The following GABRG1 variants were observed in gnomAD, a reference collection of about 807,000 sequenced individuals.
GABRG1 encodes gamma-aminobutyric acid type A receptor subunit gamma1, also known as gamma-aminobutyric acid receptor subunit gamma-1.
Under a neutral mutation model 49.8 loss-of-function variants are expected in GABRG1, and 49 were observed. The observed-to-expected ratio is 0.98, with a 90% CI of 0.78 to 1.25. The LOEUF is 1.25. Ranked by LOEUF, GABRG1 falls within the 50% of genes most tolerant of loss-of-function variation. GABRG1 has a pLI of 0.00. For synonymous variants in GABRG1, 232 were observed against 185.1 expected (o/e 1.25, Z -2.06); for missense variants, 552 against 552.3 (o/e 1.00, Z 0.01).
At chr4:46,042,641 G>C (rs1717828670) in intron 8 of GABRG1, among the ~76,000 whole-genome samples, 1 of 151,886 alleles carries the variant, frequency 6.6e-6, no homozygotes, top group Non-Finnish European at 1.5e-5. Context: ...GTATACAAAA[G>C]TTTAAAATTT....
At chr4:46,057,812 C>T (rs1319926864) in intron 7 of GABRG1, among the ~76,000 whole-genome samples, 1 of 152,034 alleles carries the variant, frequency 6.6e-6, no homozygotes, top group East Asian at 1.9e-4. Flanking sequence ...TATTTTAAAG[C>T]CATCTGCACA....
At chr4:46,068,492 T>C (rs929475329) in intron 3 of GABRG1, among the ~76,000 whole-genome samples, 3 of 152,236 alleles carry the variant, frequency 2.0e-5, no homozygotes, top group South Asian at 4.1e-4. Context: ...GTTGGAAGAC[T>C]TATGATTTCC....
In GABRG1 at chr4:46,040,846, G is replaced by A; in HGVS notation, c.*142C>T. The A allele has an allele frequency of 1.2e-6, 1 of 808,808 alleles. No homozygotes were observed. Among genetic ancestry groups the A allele is most frequent in the South Asian group, 2.0e-5 (1 of 50,126 alleles). The allele number at this position is 808,808 out of a possible 1,614,324, so 50.1% of individuals were successfully genotyped here. On this transcript the variant is annotated 3_prime_UTR_variant, in exon 9 of 9. Transcript: ENST00000295452. ...AGCTGCTACTTTATTTACTTCTGAA[G>A]GCCTTAAAATAGTTACAATACTATT...
chr4:46,093,382 C>A (rs1170836202), intron 2 of GABRG1, among the ~76,000 whole-genome samples: 3 of 151,930 alleles, frequency 2.0e-5, no homozygotes, highest in Non-Finnish European at 4.4e-5. Flanking sequence ...TGTTCTCACT[C>A]ATTTGTAGGG....
At chr4:46,061,220 C>G (rs1718659958) in intron 5 of GABRG1, among the ~76,000 whole-genome samples, 1 of 152,014 alleles carries the variant, frequency 6.6e-6, no homozygotes, top group Admixed American at 6.6e-5. Context: ...GTATTTGTTG[C>G]TATTTGGCTG....
chr4:46,090,628 C>A (rs1482208142), intron 2 of GABRG1, among the ~76,000 whole-genome samples: 1 of 151,950 alleles, frequency 6.6e-6, no homozygotes, highest in African/African-American at 2.4e-5. Context: ...TAATTGATAT[C>A]AAAATATCCA....
At chr4:46,065,771 G>A (rs534748604) in intron 3 of GABRG1, among the ~76,000 whole-genome samples, 187 bp from the exon 4 acceptor site, 1 of 151,918 alleles carries the variant, frequency 6.6e-6, no homozygotes, top group South Asian at 2.1e-4. Flanking sequence ...CTCCCAGGCC[G>A]GAGTGCAGTG....
chr4:46,098,541 C>T (rs765831146), intron 1 of GABRG1, among the ~76,000 whole-genome samples: 1 of 151,724 alleles, frequency 6.6e-6, no homozygotes, highest in Non-Finnish European at 1.5e-5. Context: ...TTAGCAAATG[C>T]AGCCCCAACT....
intron 1 of GABRG1, among the ~76,000 whole-genome samples, chr4:46,118,306 CT>C (rs1467201587): frequency 1.3e-5 from 2 of 149,868 alleles, no homozygotes; most frequent in African/African-American, 4.9e-5. Context: ...GTATATATAT[CT>C]TTCCCTCATA....
chr4:46,057,313 G>T (rs577644445), intron 7 of GABRG1, among the ~76,000 whole-genome samples: 1 of 152,092 alleles, frequency 6.6e-6, no homozygotes, highest in Middle Eastern at 3.4e-3. Context: ...TTATTAGATG[G>T]AATCATTTAT....
At chr4:46,092,013 T>G (rs73144874) in intron 2 of GABRG1, among the ~76,000 whole-genome samples, 1 of 151,732 alleles carries the variant, frequency 6.6e-6, no homozygotes, top group Non-Finnish European at 1.5e-5. Context: ...CAGGAGAAAA[T>G]TGAGTGATAT....
chr4:46,090,107 A>T (rs1429382417), intron 2 of GABRG1, among the ~76,000 whole-genome samples: 2 of 152,118 alleles, frequency 1.3e-5, no homozygotes, highest in East Asian at 3.9e-4. Flanking sequence ...AGCATCACCA[A>T]AGACAAAGGG....
intron 1 of GABRG1, among the ~76,000 whole-genome samples, chr4:46,114,064 T>C (rs2109442742): frequency 6.6e-6 from 1 of 151,200 alleles, no homozygotes; most frequent in East Asian, 2.0e-4. Context: ...ATTTTCTCTC[T>C]TTTTTGCCTT....
chr4:46,122,541 A>G (rs751932520), intron 1 of GABRG1, among the ~76,000 whole-genome samples: 23 of 152,000 alleles, frequency 1.5e-4, no homozygotes, highest in Non-Finnish European at 2.8e-4. Flanking sequence ...GTTAAAAAAA[A>G]AGAGAGAGAA....
At chr4:46,061,710 G>A (rs1718682910) in intron 5 of GABRG1, among the ~76,000 whole-genome samples, 1 of 150,716 alleles carries the variant, frequency 6.6e-6, no homozygotes, top group African/African-American at 2.4e-5. Context: ...TAATATAACT[G>A]ATATTATACA....
At position 46,058,253 on chromosome 4, in the gene GABRG1, T is replaced by A; in HGVS notation, c.880A>T (p.Ile294Phe). 1 of 1,613,156 alleles carries A rather than the reference T, an allele frequency of 6.2e-7. No individual in the cohort carries two copies. The highest frequency in any genetic ancestry group is 8.5e-7 in the Non-Finnish European group (1 of 1,179,510). ...CTTGCAGGCACTGCATCTTTATTGA[T>A]CCAAAAAGACACCCAAGAAAGAACA... Reference protein sequence around the residue: ...TVVLSWVSFWINKDAVPARTS... With the variant: ...TVVLSWVSFWFNKDAVPARTS... The change falls in exon 7 of 9, where the codon ATC (isoleucine) becomes TTC (phenylalanine). Residue 294 changes from isoleucine to phenylalanine, a missense_variant. Transcript: ENST00000295452.
chr4:46,122,109 T>C (rs1429078557), intron 1 of GABRG1, among the ~76,000 whole-genome samples: 2 of 152,094 alleles, frequency 1.3e-5, no homozygotes, highest in Non-Finnish European at 2.9e-5. Flanking sequence ...CATGAGATCA[T>C]GTCTCCAGGC....
Position 46,074,769 on chromosome 4 carries a change from G to A in GABRG1, c.322-9185C>T, listed in dbSNP as rs534481113. ...AAATAACACATTGAATAAGGGATAAGGTATTGTCTTTTAATTACGTACATA... is the reference window on the plus strand; with the variant it reads ...AAATAACACATTGAATAAGGGATAAAGTATTGTCTTTTAATTACGTACATA... On this transcript the variant is annotated intron_variant, in intron 3 of 8. Coordinates refer to ENST00000295452, the MANE Select transcript of GABRG1 (RefSeq NM_173536.4). 1.9e-4 allele frequency among the ~76,000 whole-genome samples: 29 copies of A among 152,076 alleles called. 1 individual carries two copies. In the South Asian group the frequency reaches 5.8e-3, roughly 30 times the overall value.
chr4:46,039,950 C>T lies in GABRG1; in HGVS notation c.*1038G>A, dbSNP rs1717692908. 1 of 151,684 alleles carries T rather than the reference C, an allele frequency of 6.6e-6. No individual in the cohort carries two copies. Among genetic ancestry groups the T allele is most frequent in the Admixed American group, 6.6e-5 (1 of 15,148 alleles). 9.4% of individuals were successfully genotyped at this position (151,684 alleles called of 1,614,324 possible). A position where few individuals can be genotyped will look rare whatever the true frequency, so the allele number is the denominator to read the frequency against. Reference sequence around the variant, plus strand: ...GGAAGAGGCAATATGTAACGCAGGCCTAAAACTGTTTTCTGCATATTACTA... The same window carrying T: ...GGAAGAGGCAATATGTAACGCAGGCTTAAAACTGTTTTCTGCATATTACTA... On this transcript the variant is annotated 3_prime_UTR_variant, in exon 9 of 9. Transcript: ENST00000295452.
Sources: gnomAD v4.1 joint callset for allele counts (sites outside exome capture counted in the v4.1 genomes callset) on GRCh38, gnomAD v4.1.1 for gene constraint, MANE v1.5 for transcripts, NCBI Gene and HGNC (gene_info 2026-07-23, HGNC 2026-07-21) for gene names.